Variants in NTRK1 observed in about 807,000 individuals in gnomAD.
NTRK1 encodes neurotrophic receptor tyrosine kinase 1.
In NTRK1, 62 loss-of-function variants were observed where a neutral mutation model predicts 86.8. The ratio of observed to expected loss-of-function variants is 0.71; its 90% CI spans 0.58 to 0.88. NTRK1 has a LOEUF of 0.88. Among genes scored for constraint, NTRK1 ranks in the 40% least tolerant of loss-of-function variants. The pLI, the probability that NTRK1 is intolerant of heterozygous loss-of-function variation, is 0.00. For synonymous variants in NTRK1, 469 were observed against 456.6 expected, an observed-to-expected ratio of 1.03 and a Z score of -0.35; for missense variants, 967 against 1,078.4, an observed-to-expected ratio of 0.90 and a Z score of 1.45.
rs2102886311 is a variant in NTRK1 at position 156,864,800 on chromosome 1, G to C, written c.359+1G>C. ...ATTTCACTCCTCGGCTCAGTCGCCTGTGAGTGTGGCCAGTGCTGGGCAGTG... is the reference window on the plus strand; with the variant it reads ...ATTTCACTCCTCGGCTCAGTCGCCTCTGAGTGTGGCCAGTGCTGGGCAGTG... On this transcript the variant is annotated splice_donor_variant, in intron 3 of 16. Coordinates refer to ENST00000524377, the MANE Select transcript of NTRK1 (RefSeq NM_002529.4). LOFTEE classifies it high-confidence loss of function. The C allele has an allele frequency of 6.2e-7, 1 of 1,613,188 alleles. No individual in the cohort carries two copies. The highest frequency in any genetic ancestry group is 8.5e-7 in the Non-Finnish European group (1 of 1,179,768).
upstream of NTRK1, among the ~76,000 whole-genome samples, chr1:156,860,605 G>A (rs1307556469): frequency 6.6e-6 from 1 of 152,198 alleles, no homozygotes; most frequent in Non-Finnish European, 1.5e-5. Flanking sequence ...GAGAAATAAC[G>A]TATCAGCTTC....
Position 156,852,090 on chromosome 1 carries a change from C to T in NTRK1, c.50+9897C>T, listed in dbSNP as rs763494025. The T allele has an allele frequency of 8.1e-6, 13 of 1,613,618 alleles. No homozygotes were observed. The Admixed American group carries it at 8.3e-5, about 10-fold the overall frequency. ...TGGAAGTAGAGGTGGCGGCAAGCTA[C>T]ACAGGCACGAGGGTCTTCTGGCTGG... On this transcript the variant is annotated intron_variant, in intron 2 of 16. Coordinates refer to the NTRK1 transcript ENST00000392302.
At chr1:156,846,773 C>T in intron 2 of NTRK1, 1 of 1,599,758 alleles carries the variant, frequency 6.3e-7, no homozygotes, top group Non-Finnish European at 8.6e-7. Context: ...CACCCATCCC[C>T]AGAGCTGAGG....
At chr1:156,825,931 G>A (rs1285176079) in intron 1 of NTRK1, among the ~76,000 whole-genome samples, 1 of 152,210 alleles carries the variant, frequency 6.6e-6, no homozygotes, top group Non-Finnish European at 1.5e-5. Context: ...CAGGGAGTCT[G>A]AGACTTGGGG....
rs779155543 is a variant in NTRK1 at position 156,873,770 on chromosome 1, A to G, written c.988A>G (p.Thr330Ala). The G allele has an allele frequency of 1.3e-5, 21 of 1,612,872 alleles. No homozygotes were observed. Among genetic ancestry groups the G allele is most frequent in the Non-Finnish European group, 1.7e-5 (20 of 1,179,690 alleles). ...GCTCAATGAGACCAGCTTCATCTTCACTGAGTTCCTGGAGCCGGCAGCCAA... is the reference window on the plus strand; with the variant it reads ...GCTCAATGAGACCAGCTTCATCTTCGCTGAGTTCCTGGAGCCGGCAGCCAA... The part of the protein sequence containing the change: ...SVLNETSFIF[T>A]EFLEPAANET... The change falls in exon 8 of 17, where the codon ACT (threonine) becomes GCT (alanine). Residue 330 changes from threonine (T) to alanine (A), a missense_variant. Thr to Ala is a moderately conservative substitution (Grantham distance 58). Around this residue, in one of 2 missense-constraint regions of NTRK1, gnomAD observed 637 missense variants for 776.5 expected, o/e 0.82. Transcript: ENST00000524377.
chr1:156,843,310 T>C (rs1373280773), intron 2 of NTRK1: 2 of 1,565,310 alleles, frequency 1.3e-6, no homozygotes, highest in Non-Finnish European at 8.8e-7. Flanking sequence ...TCTTCTCCTC[T>C]TCTGAAGGGC....
intron 1 of NTRK1, among the ~76,000 whole-genome samples, chr1:156,822,394 CA>C (rs1454528869): frequency 6.6e-6 from 1 of 151,680 alleles, no homozygotes; most frequent in Non-Finnish European, 1.5e-5. Flanking sequence ...CTTGTCTCTA[CA>C]AAAAATAAAG....
At chr1:156,867,406 C>T (rs1267196112) in intron 4 of NTRK1, among the ~76,000 whole-genome samples, 1 of 152,232 alleles carries the variant, frequency 6.6e-6, no homozygotes, top group East Asian at 1.9e-4. Context: ...GGTTTCTCAT[C>T]CTGGGGAGCC....
intron 15 of NTRK1, 84 bp from the exon 16 acceptor site, chr1:156,879,915 T>A: frequency 6.4e-7 from 1 of 1,564,512 alleles, no homozygotes; most frequent in Admixed American, 1.7e-5. Context: ...TGTATTTATT[T>A]TTAATGATGG....
chr1:156,844,044 A>T (rs1026880893), intron 2 of NTRK1: 6 of 667,084 alleles, frequency 9.0e-6, no homozygotes, highest in South Asian at 1.8e-5. Context: ...CCTCTGTGCC[A>T]CCGCAGGGGA....
Position 156,876,328 on chromosome 1 carries a change from C to T in NTRK1, c.1633-72C>T, listed in dbSNP as rs1800880. ...TGACATGGCTGGATACCGGGGTGGG[C>T]GGGCTGCCCTGGGTGAACAGCAGTG... On this transcript the variant is annotated intron_variant, in intron 13 of 16. Transcript: ENST00000524377. 134,415 of 1,608,024 alleles carry T rather than the reference C, an allele frequency of 0.084. 12,833 individuals are homozygous for T. The highest frequency in any genetic ancestry group is 0.53 in the East Asian group (23,597 of 44,742).
chr1:156,858,700 G>A, upstream of NTRK1: 2 of 1,197,598 alleles, frequency 1.7e-6, no homozygotes, highest in Non-Finnish European at 2.5e-6. Context: ...AGCCCTAAGG[G>A]ACACAGAGAC....
At chr1:156,881,372 A>G (rs1648246873) in intron 16 of NTRK1, 85 bp from the exon 17 acceptor site, 2 of 1,367,514 alleles carry the variant, frequency 1.5e-6, no homozygotes, top group South Asian at 1.4e-5. Flanking sequence ...CTGCCTTGGG[A>G]GCCTCAGTGA....
At chr1:156,842,746 G>A (rs1156237598) in intron 2 of NTRK1, among the ~76,000 whole-genome samples, 1 of 152,056 alleles carries the variant, frequency 6.6e-6, no homozygotes, top group Non-Finnish European at 1.5e-5. Context: ...GCCCAATCAG[G>A]ACTCTAATAA....
At position 156,823,851 on chromosome 1, in the gene NTRK1, C is replaced by T. The variant is rs147300506; in HGVS notation, c.-64+8013C>T. Among the ~76,000 whole-genome samples the T allele has an allele frequency of 2.8e-3, 432 of 152,320 alleles. 4 individuals are homozygous for T. The highest frequency in any genetic ancestry group is 9.7e-3 in the African/African-American group (405 of 41,570). On this transcript the variant is annotated intron_variant, in intron 1 of 16. Coordinates refer to the NTRK1 transcript ENST00000392302. ...GTGGCGGAAAGGAAAGGCTGGCTAA[C>T]ATCTACGGGATGAATTATCCTGCCC... is the stretch of plus-strand genomic sequence containing the variant.
intron 4 of NTRK1, among the ~76,000 whole-genome samples, chr1:156,867,644 TTTTC>T (rs1647230572): frequency 6.7e-6 from 1 of 149,198 alleles, no homozygotes; most frequent in Non-Finnish European, 1.5e-5. Context: ...ATTTCTTTTC[TTTTC>T]TTTCTTTCTT....
chr1:156,847,372 G>C (rs1043269497), intron 2 of NTRK1, among the ~76,000 whole-genome samples: 2 of 152,228 alleles, frequency 1.3e-5, no homozygotes, highest in African/African-American at 2.4e-5. Flanking sequence ...GGCCAGTTTC[G>C]GGGCAGGGCT....
At chr1:156,841,761 T>C in intron 1 of NTRK1, 1 of 1,614,066 alleles carries the variant, frequency 6.2e-7, no homozygotes, top group South Asian at 1.1e-5. Flanking sequence ...GCGGTAATAG[T>C]CTGTCTCATA....
intron 1 of NTRK1, among the ~76,000 whole-genome samples, chr1:156,833,312 T>C (rs1654513260): frequency 6.6e-6 from 1 of 152,166 alleles, no homozygotes; most frequent in Non-Finnish European, 1.5e-5. Context: ...ATCCCAGCAC[T>C]TTGGGAGGCC....
Sources: gnomAD v4.1 joint callset for allele counts (sites outside exome capture counted in the v4.1 genomes callset) on GRCh38, gnomAD v4.1.1 for gene constraint, gnomAD v4.1.1 regional missense constraint, MANE v1.5 for transcripts, NCBI Gene and HGNC (gene_info 2026-07-23, HGNC 2026-07-21) for gene names.